The following ROBO2 variants were observed in gnomAD, a reference collection of about 807,000 sequenced individuals.
The protein encoded by ROBO2 is roundabout guidance receptor 2, also known as roundabout homolog 2.
ROBO2 carries 53 observed loss-of-function variants against 160.8 expected under a neutral mutation model. The ratio of observed to expected loss-of-function variants is 0.33; its 90% CI spans 0.26 to 0.41. The LOEUF is 0.41. Among genes scored for constraint, ROBO2 ranks in the 10% least tolerant of loss-of-function variants. The pLI is 1.00. For synonymous variants in ROBO2, 664 were observed against 611.7 expected, an observed-to-expected ratio of 1.09 and a Z score of -1.26; for missense variants, 1,577 against 1,722.4, an observed-to-expected ratio of 0.92 and a Z score of 1.49.
chr3:77,013,014 C>T (rs1195666575), intron 2 of ROBO2, among the ~76,000 whole-genome samples: 1 of 152,030 alleles, frequency 6.6e-6, no homozygotes, highest in African/African-American at 2.4e-5. Context: ...GATCTTGACT[C>T]ATTTGTGGGG....
intron 2 of ROBO2, among the ~76,000 whole-genome samples, chr3:76,088,023 G>A (rs1236283980): frequency 6.6e-6 from 1 of 151,986 alleles, no homozygotes; most frequent in African/African-American, 2.4e-5. Flanking sequence ...TAAAAATTAG[G>A]ATGGTGAGAG....
chr3:75,970,731 T>A (rs2064969440), intron 2 of ROBO2, among the ~76,000 whole-genome samples: 1 of 151,466 alleles, frequency 6.6e-6, no homozygotes, highest in Non-Finnish European at 1.5e-5. Flanking sequence ...TCTCTTCAGC[T>A]GAAATGCCAG....
At chr3:76,882,947 A>C (rs971903106) in intron 2 of ROBO2, among the ~76,000 whole-genome samples, 1 of 152,284 alleles carries the variant, frequency 6.6e-6, no homozygotes. Flanking sequence ...TTCCATTATC[A>C]GTTTGTTTTG....
At chr3:76,628,666 G>T (rs1226904006) in intron 2 of ROBO2, among the ~76,000 whole-genome samples, 1 of 152,016 alleles carries the variant, frequency 6.6e-6, no homozygotes, top group Non-Finnish European at 1.5e-5. Flanking sequence ...TATCTGATAT[G>T]CTTCTCTTTA....
chr3:77,106,849 C>T (rs2072874398), intron 2 of ROBO2, among the ~76,000 whole-genome samples: 1 of 151,998 alleles, frequency 6.6e-6, no homozygotes, highest in South Asian at 2.1e-4. Flanking sequence ...CTTTTTGTCA[C>T]TGTCTCCCAA....
At chr3:76,489,207 T>C (rs1055637799) in intron 2 of ROBO2, among the ~76,000 whole-genome samples, 1 of 150,598 alleles carries the variant, frequency 6.6e-6, no homozygotes, top group Non-Finnish European at 1.5e-5. Context: ...CATTTCTCAG[T>C]GGCTCTGATG....
At chr3:77,184,657 G>C (rs1175592406) in intron 2 of ROBO2, among the ~76,000 whole-genome samples, 2 of 151,930 alleles carry the variant, frequency 1.3e-5, no homozygotes. Flanking sequence ...GAAAATATAT[G>C]TATTTTCAAT....
chr3:76,344,565 A>G (rs1331568684), intron 2 of ROBO2, among the ~76,000 whole-genome samples: 1 of 152,164 alleles, frequency 6.6e-6, no homozygotes, highest in Non-Finnish European at 1.5e-5. Flanking sequence ...GTCTATGTGA[A>G]ACGTGGACCT....
chr3:76,658,035 C>A (rs1208411131), intron 2 of ROBO2, among the ~76,000 whole-genome samples: 6 of 146,572 alleles, frequency 4.1e-5, no homozygotes, highest in Non-Finnish European at 7.4e-5. Flanking sequence ...CCACGGCACT[C>A]CAGCTTGGGT....
intron 2 of ROBO2, among the ~76,000 whole-genome samples, chr3:76,959,034 T>C (rs939570104): frequency 6.6e-6 from 1 of 152,140 alleles, no homozygotes; most frequent in African/African-American, 2.4e-5. Flanking sequence ...AATACAACAT[T>C]AACTGTTAGA....
intron 2 of ROBO2, among the ~76,000 whole-genome samples, chr3:76,225,879 C>T (rs541285664): frequency 5.3e-4 from 81 of 152,254 alleles, no homozygotes; most frequent in African/African-American, 1.9e-3. Flanking sequence ...TTGCAAGATA[C>T]ATTAACTCTA....
chr3:76,905,035 TTTCTGTTTTTTAAACA>T, intron 2 of ROBO2, among the ~76,000 whole-genome samples: 1 of 152,344 alleles, frequency 6.6e-6, no homozygotes, highest in East Asian at 1.9e-4. Context: ...TTTTTCTTTC[TTTCTGTTTTTTAAACA>T]TGACTATTAC....
At chr3:77,378,668 T>C (rs2073013443) in intron 2 of ROBO2, among the ~76,000 whole-genome samples, 1 of 152,156 alleles carries the variant, frequency 6.6e-6, no homozygotes, top group South Asian at 2.1e-4. Context: ...GATATATAAA[T>C]ATAGGTAAAT....
intron 2 of ROBO2, among the ~76,000 whole-genome samples, chr3:77,222,903 A>C (rs1417773027): frequency 6.6e-6 from 1 of 152,196 alleles, no homozygotes; most frequent in Non-Finnish European, 1.5e-5. Context: ...GTAGCTCCCA[A>C]GGAGTGCTTT....
chr3:76,342,638 C>T (rs2074297578), intron 2 of ROBO2, among the ~76,000 whole-genome samples: 1 of 152,044 alleles, frequency 6.6e-6, no homozygotes, highest in Non-Finnish European at 1.5e-5. Context: ...ACAAATATAT[C>T]CTATAACAAA....
At chr3:77,045,245 G>A (rs1398386848) in intron 1 of ROBO2, among the ~76,000 whole-genome samples, 1 of 152,126 alleles carries the variant, frequency 6.6e-6, no homozygotes, top group Non-Finnish European at 1.5e-5. Flanking sequence ...AGCATCTAGG[G>A]TAGCATGCTT....
chr3:76,368,987 C>CA (rs2075970204), intron 2 of ROBO2, among the ~76,000 whole-genome samples: 2 of 152,078 alleles, frequency 1.3e-5, no homozygotes, highest in African/African-American at 4.8e-5. Context: ...AACAAACTCT[C>CA]ACAATAAAAG....
intron 8 of ROBO2, among the ~76,000 whole-genome samples, chr3:77,551,795 A>AT (rs2092930618): frequency 6.6e-6 from 1 of 151,886 alleles, no homozygotes; most frequent in South Asian, 2.1e-4. Flanking sequence ...TGTCTTCTTG[A>AT]TCCCCTTCTT....
chr3:77,271,671 C>A (rs2059498836), intron 2 of ROBO2, among the ~76,000 whole-genome samples: 3 of 152,132 alleles, frequency 2.0e-5, no homozygotes, highest in Non-Finnish European at 2.9e-5. Flanking sequence ...AAAATAAAAT[C>A]AAAAGTGAGA....
Sources: gnomAD v4.1 joint callset for allele counts (sites outside exome capture counted in the v4.1 genomes callset) on GRCh38, gnomAD v4.1.1 for gene constraint, MANE v1.5 for transcripts, NCBI Gene and HGNC (gene_info 2026-07-23, HGNC 2026-07-21) for gene names.